PTPRT: variants seen among roughly 807,000 people sequenced by gnomAD.
PTPRT encodes the protein receptor-type tyrosine-protein phosphatase T.
In PTPRT, 56 loss-of-function variants were observed where a neutral mutation model predicts 176.8. The observed-to-expected ratio is 0.32, with a 90% CI of 0.26 to 0.40. The LOEUF (loss-of-function observed/expected upper bound fraction) is 0.40. Among genes scored for constraint, PTPRT ranks in the 10% least tolerant of loss-of-function variants. The pLI is 1.00. For synonymous variants in PTPRT, 783 were observed against 739.0 expected (o/e 1.06, Z -0.96); for missense variants, 1,540 against 1,908.2 (o/e 0.81, Z 3.60).
chr20:43,026,379 G>A (rs1379794177), intron 1 of PTPRT, among the ~76,000 whole-genome samples: 11 of 152,114 alleles, frequency 7.2e-5, no homozygotes, highest in Non-Finnish European at 5.9e-5. Flanking sequence ...GCCTCGCAAA[G>A]TGCTGGGATT....
At chr20:42,898,146 C>A (rs993791641) in intron 1 of PTPRT, among the ~76,000 whole-genome samples, 7 of 152,136 alleles carry the variant, frequency 4.6e-5, no homozygotes. Context: ...GTCATGTAGA[C>A]TCTAGGGCCA....
intron 1 of PTPRT, among the ~76,000 whole-genome samples, chr20:43,162,947 T>A (rs767883615): frequency 3.3e-5 from 5 of 152,162 alleles, no homozygotes; most frequent in Non-Finnish European, 5.9e-5. Context: ...CCCATCTGTC[T>A]CCCCAAACCA....
chr20:42,081,540 T>C (rs746830386), intron 30 of PTPRT, among the ~76,000 whole-genome samples: 14 of 152,204 alleles, frequency 9.2e-5, no homozygotes, highest in African/African-American at 1.4e-4. Context: ...CATAAATTAA[T>C]TGGAATATAA....
At chr20:42,817,629 C>A (rs758436751) in intron 2 of PTPRT, among the ~76,000 whole-genome samples, 10 of 152,102 alleles carry the variant, frequency 6.6e-5, no homozygotes, top group Non-Finnish European at 1.3e-4. Flanking sequence ...GCGGAAGAGG[C>A]TTTTGGTAAA....
At chr20:43,104,356 C>T (rs938421959) in intron 1 of PTPRT, among the ~76,000 whole-genome samples, 2 of 152,064 alleles carry the variant, frequency 1.3e-5, no homozygotes, top group Non-Finnish European at 2.9e-5. Context: ...AACATCACCC[C>T]CTGAGGTCCC....
intron 1 of PTPRT, among the ~76,000 whole-genome samples, chr20:43,013,177 T>C (rs1268027479): frequency 1.3e-5 from 2 of 152,124 alleles, no homozygotes; most frequent in Non-Finnish European, 1.5e-5. Context: ...TTTCACTCTC[T>C]AATAACTCAT....
chr20:42,703,931 G>A (rs2076012285), intron 6 of PTPRT, among the ~76,000 whole-genome samples: 1 of 152,084 alleles, frequency 6.6e-6, no homozygotes, highest in Admixed American at 6.5e-5. Context: ...TTCTCACCCA[G>A]GCCATTTTGT....
intron 2 of PTPRT, among the ~76,000 whole-genome samples, chr20:42,854,155 T>TAA (rs1003432877): frequency 5.3e-5 from 8 of 152,344 alleles, no homozygotes; most frequent in African/African-American, 1.9e-4. Flanking sequence ...GAGTAGGATG[T>TAA]AATGGTGACA....
the PTPRT span, among the ~76,000 whole-genome samples, chr20:42,040,189 G>A: frequency 6.6e-6 from 1 of 152,030 alleles, no homozygotes; most frequent in African/African-American, 2.4e-5. Context: ...GATAATTAGT[G>A]CACAGTGCTT....
the PTPRT span, among the ~76,000 whole-genome samples, chr20:42,049,270 G>C: frequency 6.6e-6 from 1 of 152,224 alleles, no homozygotes; most frequent in Non-Finnish European, 1.5e-5. Context: ...GAAGCTGCTG[G>C]CATGCAGTAG....
chr20:42,390,747 C>A (rs2058792944), intron 9 of PTPRT, among the ~76,000 whole-genome samples: 1 of 152,120 alleles, frequency 6.6e-6, no homozygotes, highest in Non-Finnish European at 1.5e-5. Flanking sequence ...TTAAGAGAGA[C>A]CCTGGGCCAG....
intron 7 of PTPRT, among the ~76,000 whole-genome samples, chr20:42,499,645 A>C (rs1430909436): frequency 6.6e-6 from 1 of 152,208 alleles, no homozygotes; most frequent in Non-Finnish European, 1.5e-5. Flanking sequence ...AAATGATAAA[A>C]TAGACTACTA....
At chr20:42,855,202 C>T (rs2078539763) in intron 2 of PTPRT, among the ~76,000 whole-genome samples, 1 of 152,066 alleles carries the variant, frequency 6.6e-6, no homozygotes, top group African/African-American at 2.4e-5. Flanking sequence ...TTTATAATCA[C>T]ACAGCATGGT....
intron 2 of PTPRT, among the ~76,000 whole-genome samples, chr20:42,802,164 T>C (rs1228247156): frequency 6.6e-6 from 1 of 152,232 alleles, no homozygotes; most frequent in African/African-American, 2.4e-5. Context: ...TCTGCACTTC[T>C]AACAAGTTTC....
At chr20:42,697,409 T>C (rs964500586) in intron 6 of PTPRT, among the ~76,000 whole-genome samples, 1 of 152,268 alleles carries the variant, frequency 6.6e-6, no homozygotes, top group Admixed American at 6.5e-5. Context: ...GGCCATTTTA[T>C]ACATTTCCTC....
At chr20:42,667,676 G>A (rs915686391) in intron 7 of PTPRT, among the ~76,000 whole-genome samples, 2 of 152,302 alleles carry the variant, frequency 1.3e-5, no homozygotes, top group Admixed American at 1.3e-4. Flanking sequence ...TATTGTAACT[G>A]AATAAAGATT....
chr20:42,775,089 T>G (rs1452522121), intron 4 of PTPRT, among the ~76,000 whole-genome samples: 1 of 152,182 alleles, frequency 6.6e-6, no homozygotes, highest in Non-Finnish European at 1.5e-5. Context: ...CATCGGCTCG[T>G]GGTTCTAAGC....
intron 7 of PTPRT, among the ~76,000 whole-genome samples, chr20:42,604,372 G>A (rs1473504612): frequency 6.6e-6 from 1 of 152,134 alleles, no homozygotes; most frequent in Non-Finnish European, 1.5e-5. Context: ...GAGATGGTGG[G>A]GCCATGCGAT....
At chr20:42,274,673 T>C (rs1488621996) in intron 13 of PTPRT, among the ~76,000 whole-genome samples, 1 of 151,846 alleles carries the variant, frequency 6.6e-6, no homozygotes, top group African/African-American at 2.4e-5. Flanking sequence ...GCAATCAGTG[T>C]TGAGTGCAGA....
Sources: allele counts gnomAD v4.1 joint callset (sites outside exome capture counted in the v4.1 genomes callset), GRCh38; gene constraint gnomAD v4.1.1; transcripts MANE v1.5; gene names NCBI Gene and HGNC (gene_info 2026-07-23, HGNC 2026-07-21).